The following TTLL5 variants were observed in gnomAD, a reference collection of about 807,000 sequenced individuals.
TTLL5 encodes tubulin polyglutamylase TTLL5.
TTLL5 carries 132 observed loss-of-function variants against 168.4 expected under a neutral mutation model. That is an observed-to-expected ratio of 0.78 (90% CI 0.68 to 0.91). TTLL5 has a LOEUF of 0.91. Ranked by LOEUF, TTLL5 falls within the 40% of genes least tolerant of loss-of-function variation. TTLL5 has a pLI of 0.00. For missense variants in TTLL5, 1,545 were observed against 1,581.5 expected, an observed-to-expected ratio of 0.98 and a Z score of 0.39; for synonymous variants, 546 against 558.6, an observed-to-expected ratio of 0.98 and a Z score of 0.32.
intron 27 of TTLL5, among the ~76,000 whole-genome samples, chr14:75,797,378 G>A (rs917467564): frequency 1.3e-5 from 2 of 152,000 alleles, no homozygotes; most frequent in African/African-American, 4.8e-5. Context: ...GCAACAGTTT[G>A]ACTTCCTCTT....
chr14:75,854,174 C>T (rs1414488537), intron 28 of TTLL5, among the ~76,000 whole-genome samples: 1 of 152,164 alleles, frequency 6.6e-6, no homozygotes, highest in Non-Finnish European at 1.5e-5. Flanking sequence ...TCAAAATTCC[C>T]TTGCGTCTTT....
chr14:75,950,444 A>G (rs1479398832), intron 31 of TTLL5, among the ~76,000 whole-genome samples: 2 of 152,244 alleles, frequency 1.3e-5, no homozygotes, highest in Non-Finnish European at 2.9e-5. Flanking sequence ...AACTTCTAAG[A>G]TGCCATGAAG....
intron 27 of TTLL5, among the ~76,000 whole-genome samples, chr14:75,817,397 A>G (rs979810727): frequency 3.9e-5 from 6 of 152,134 alleles, no homozygotes; most frequent in Admixed American, 1.3e-4. Context: ...GGTCCACACT[A>G]GAGGGTGCAG....
intron 31 of TTLL5, among the ~76,000 whole-genome samples, chr14:75,953,888 C>T (rs888411278): frequency 6.6e-6 from 1 of 151,956 alleles, no homozygotes; most frequent in African/African-American, 2.4e-5. Flanking sequence ...AAGAGAACAA[C>T]ACAGAAAAGA....
chr14:75,866,979 GA>G (rs1288811215), intron 29 of TTLL5, among the ~76,000 whole-genome samples: 6 of 152,130 alleles, frequency 3.9e-5, no homozygotes, highest in African/African-American at 1.4e-4. Flanking sequence ...AGACAAAATT[GA>G]AACAATGAGC....
Position 75,730,056 on chromosome 14 carries a change from GTTC to G in TTLL5, c.1043-2276_1043-2274del, listed in dbSNP as rs1490715938. ...GTGCATCAATTACTATTTTCACCCT[GTTC>G]TTCTTACTTTTAATAATATTACCAC... is the stretch of plus-strand genomic sequence containing the variant. On this transcript the variant is annotated intron_variant, in intron 12 of 31. Transcript: ENST00000298832. Among the ~76,000 whole-genome samples the G allele has an allele frequency of 1.1e-4, 17 of 152,242 alleles. No homozygotes were observed. In the South Asian group the frequency reaches 3.5e-3, roughly 32 times the overall value.
At position 75,802,962 on chromosome 14, in the gene TTLL5, G is replaced by A. The variant is rs146084451; in HGVS notation, c.3171+9862G>A. Among the ~76,000 whole-genome samples, 774 of 152,312 alleles carry A rather than the reference G, an allele frequency of 5.1e-3. 4 individuals are homozygous for A. Among genetic ancestry groups the A allele is most frequent in the Non-Finnish European group, 8.7e-3 (589 of 68,028 alleles). On this transcript the variant is annotated intron_variant, in intron 27 of 31. Transcript: ENST00000298832. ...AAAAACTCACTTGTGCATATGTAGCGAAACGAGTGACAGGCTAAGGATGTC... is the reference window on the plus strand; with the variant it reads ...AAAAACTCACTTGTGCATATGTAGCAAAACGAGTGACAGGCTAAGGATGTC...
intron 12 of TTLL5, among the ~76,000 whole-genome samples, chr14:75,730,292 G>C (rs952486675): frequency 1.3e-5 from 2 of 152,166 alleles, no homozygotes; most frequent in Non-Finnish European, 2.9e-5. Flanking sequence ...TATTCTAAAA[G>C]ATTACTGAAG....
intron 28 of TTLL5, among the ~76,000 whole-genome samples, chr14:75,839,334 A>C (rs371966949): frequency 6.6e-6 from 1 of 152,214 alleles, no homozygotes; most frequent in Non-Finnish European, 1.5e-5. Context: ...TCCCACCAGC[A>C]GTGCACAAGG....
At chr14:75,939,205 A>C (rs1381819910) in intron 31 of TTLL5, among the ~76,000 whole-genome samples, 1 of 152,246 alleles carries the variant, frequency 6.6e-6, no homozygotes, top group Non-Finnish European at 1.5e-5. Context: ...AGCAGAATGA[A>C]ATAGAAGAAT....
chr14:75,842,256 A>G (rs1896300056), intron 28 of TTLL5, among the ~76,000 whole-genome samples: 1 of 152,202 alleles, frequency 6.6e-6, no homozygotes, highest in South Asian at 2.1e-4. Flanking sequence ...CCTTGCCAGC[A>G]TTACATACCA....
At chr14:75,903,770 C>G (rs533282279) in intron 31 of TTLL5, among the ~76,000 whole-genome samples, 1 of 151,688 alleles carries the variant, frequency 6.6e-6, no homozygotes, top group Non-Finnish European at 1.5e-5. Context: ...TGTGACATGC[C>G]GCTAGTCCTA....
At chr14:75,930,996 ATT>A (rs1395058588) in intron 31 of TTLL5, among the ~76,000 whole-genome samples, 1 of 151,912 alleles carries the variant, frequency 6.6e-6, no homozygotes, top group Non-Finnish European at 1.5e-5. Context: ...TTGCTTGTTA[ATT>A]TTCATATTAT....
chr14:75,710,475 T>G (rs373867280), intron 9 of TTLL5: 2 of 151,788 alleles, frequency 1.3e-5, no homozygotes, highest in African/African-American at 4.8e-5. Context: ...GAAAAACAGC[T>G]TTTAAAAAAC....
At chr14:75,824,067 C>T (rs1894983376) in intron 28 of TTLL5, among the ~76,000 whole-genome samples, 1 of 152,142 alleles carries the variant, frequency 6.6e-6, no homozygotes, top group African/African-American at 2.4e-5. Context: ...CTCAGTCAGT[C>T]CTCAGAAATA....
chr14:75,684,811 G>A (rs1884912749), intron 5 of TTLL5: 1 of 152,176 alleles, frequency 6.6e-6, no homozygotes, highest in African/African-American at 2.4e-5. Context: ...GAGTGACTGG[G>A]GGATAGTGTC....
chr14:75,821,402 T>C (rs1160937636), intron 28 of TTLL5, among the ~76,000 whole-genome samples: 1 of 152,220 alleles, frequency 6.6e-6, no homozygotes, highest in Non-Finnish European at 1.5e-5. Flanking sequence ...GTTTATACCA[T>C]AGAGCTTTAT....
chr14:75,936,435 C>T (rs1012385704), intron 31 of TTLL5, among the ~76,000 whole-genome samples: 1 of 152,194 alleles, frequency 6.6e-6, no homozygotes, highest in African/African-American at 2.4e-5. Flanking sequence ...CTCTGCTTCA[C>T]GTCTTTCCAT....
At chr14:75,952,339 CAGTGTATCACT>C (rs1339061008) in intron 31 of TTLL5, among the ~76,000 whole-genome samples, 1 of 152,124 alleles carries the variant, frequency 6.6e-6, no homozygotes, top group African/African-American at 2.4e-5. Context: ...AAAAACACAG[CAGTGTATCACT>C]TCATGCCCAC....
Sources: allele counts gnomAD v4.1 joint callset (sites outside exome capture counted in the v4.1 genomes callset), GRCh38; gene constraint gnomAD v4.1.1; transcripts MANE v1.5; gene names NCBI Gene and HGNC (gene_info 2026-07-23, HGNC 2026-07-21).